XKR6: variants seen among roughly 807,000 people sequenced by gnomAD.
The protein encoded by XKR6 is XK related 6, also known as XK-related protein 6.
A neutral mutation model predicts 56.7 loss-of-function variants in XKR6; 22 were observed. That is an observed-to-expected ratio of 0.39 (90% CI 0.28 to 0.55). XKR6 has a LOEUF of 0.55. Ranked by LOEUF, XKR6 falls within the 20% of genes least tolerant of loss-of-function variation. The pLI is 0.66. For synonymous variants in XKR6, 524 were observed against 387.8 expected, an observed-to-expected ratio of 1.35 and a Z score of -4.13; for missense variants, 852 against 889.0, an observed-to-expected ratio of 0.96 and a Z score of 0.53.
chr8:10,945,025 G>A (rs1586336778), intron 1 of XKR6, among the ~76,000 whole-genome samples: 1 of 152,158 alleles, frequency 6.6e-6, no homozygotes. Context: ...TCTGGATGTA[G>A]GGTCAAGCTC....
chr8:11,175,520 A>G (rs1178775628), intron 1 of XKR6: 10 of 152,580 alleles, frequency 6.6e-5, no homozygotes, highest in Admixed American at 6.5e-4. Flanking sequence ...TGCACCGAAG[A>G]AAAAGATACC....
chr8:11,057,896 T>A (rs1338028740), intron 1 of XKR6, among the ~76,000 whole-genome samples: 1 of 152,230 alleles, frequency 6.6e-6, no homozygotes, highest in Non-Finnish European at 1.5e-5. Flanking sequence ...ACCTGCCGCA[T>A]CTGACAGACA....
intron 1 of XKR6, among the ~76,000 whole-genome samples, chr8:11,192,123 G>A (rs185236002): frequency 2.6e-5 from 4 of 152,076 alleles, no homozygotes; most frequent in Non-Finnish European, 4.4e-5. Flanking sequence ...TTCAAAACCA[G>A]CCTGGGCAAT....
intron 1 of XKR6, among the ~76,000 whole-genome samples, chr8:11,050,142 G>A (rs1426842246): frequency 6.6e-6 from 1 of 152,222 alleles, no homozygotes; most frequent in Non-Finnish European, 1.5e-5. Flanking sequence ...CCCAGGGCCG[G>A]TGCTGTTGTG....
intron 1 of XKR6, among the ~76,000 whole-genome samples, chr8:10,966,380 G>A (rs144614231): frequency 9.2e-5 from 14 of 152,048 alleles, no homozygotes; most frequent in East Asian, 7.8e-4. Context: ...TATTAAAAAC[G>A]CAAGTTAGGC....
intron 2 of XKR6, among the ~76,000 whole-genome samples, chr8:10,908,052 C>T (rs1003546521): frequency 5.3e-5 from 8 of 152,184 alleles, no homozygotes; most frequent in Non-Finnish European, 1.0e-4. Context: ...ATTTTCAACG[C>T]CTTTTGCGTG....
Position 10,949,910 on chromosome 8 carries a change from T to A in XKR6, c.765-25080A>T, listed in dbSNP as rs181910286. The stretch of plus-strand genomic sequence containing the variant: ...GGAGTCCCTTTCCCAGCCCGGCCTG[T>A]CTTGACTCAGGGGTCTGCAGGCTGT... On this transcript the variant is annotated intron_variant, in intron 1 of 2. Coordinates refer to ENST00000416569, the MANE Select transcript of XKR6 (RefSeq NM_173683.4). Among the ~76,000 whole-genome samples, 704 of 152,224 alleles carry A rather than the reference T, an allele frequency of 4.6e-3. 3 individuals carry two copies. The highest frequency in any genetic ancestry group is 0.014 in the Middle Eastern group (4 of 294).
intron 1 of XKR6, among the ~76,000 whole-genome samples, chr8:11,071,887 T>C (rs1296909117): frequency 6.6e-6 from 1 of 152,218 alleles, no homozygotes; most frequent in Non-Finnish European, 1.5e-5. Flanking sequence ...CCTTTCCTAA[T>C]ACTGTGTCCT....
At chr8:10,996,532 T>G (rs1798117056) in intron 1 of XKR6, among the ~76,000 whole-genome samples, 1 of 152,180 alleles carries the variant, frequency 6.6e-6, no homozygotes, top group Non-Finnish European at 1.5e-5. Flanking sequence ...TTCTCTGCAA[T>G]TTTCCTCTTT....
intron 1 of XKR6, among the ~76,000 whole-genome samples, chr8:11,127,824 G>T (rs572130650): frequency 1.4e-4 from 22 of 152,114 alleles, no homozygotes; most frequent in Non-Finnish European, 2.9e-4. Context: ...CCATTAATGT[G>T]TCTACCCCAG....
chr8:11,200,556 C>A lies in XKR6; in HGVS notation c.764+20G>T. The A allele has an allele frequency of 6.9e-7, 1 of 1,444,118 alleles. No individual in the cohort carries two copies. Among genetic ancestry groups the A allele is most frequent in the Non-Finnish European group, 9.0e-7 (1 of 1,107,910 alleles). 89.5% of individuals were successfully genotyped at this position (1,444,118 alleles called of 1,614,324 possible). A position where few individuals can be genotyped will look rare whatever the true frequency, so the allele number is the denominator to read the frequency against. Reference sequence around the variant, plus strand: ...GGGGCTCCTCAGGGCCGGCCCGCCCCCACCCCGCAGTGCTCTTACCTCCAC... The same window carrying A: ...GGGGCTCCTCAGGGCCGGCCCGCCCACACCCCGCAGTGCTCTTACCTCCAC... On this transcript the variant is annotated intron_variant, in intron 1 of 2. Transcript: ENST00000416569. The surrounding 1 kb of genome is among the most constrained non-coding windows in gnomAD (Gnocchi z 6.4).
At chr8:11,168,110 C>T (rs1005102524) in intron 1 of XKR6, among the ~76,000 whole-genome samples, 1 of 152,106 alleles carries the variant, frequency 6.6e-6, no homozygotes, top group East Asian at 1.9e-4. Context: ...AGACACAACA[C>T]TGTAATTTTC....
intron 2 of XKR6, among the ~76,000 whole-genome samples, chr8:10,909,122 C>T (rs184570388): frequency 6.6e-5 from 10 of 151,504 alleles, no homozygotes; most frequent in Admixed American, 5.3e-4. Context: ...GCTGAGATTG[C>T]GCCACTGCAC....
chr8:11,185,510 C>T (rs897855232), intron 1 of XKR6, among the ~76,000 whole-genome samples: 5 of 152,062 alleles, frequency 3.3e-5, no homozygotes, highest in South Asian at 2.1e-4. Flanking sequence ...TCTAAATGTA[C>T]GTACAATTTT....
intron 1 of XKR6, among the ~76,000 whole-genome samples, chr8:11,040,487 G>C (rs766166791): frequency 2.6e-5 from 4 of 152,006 alleles, no homozygotes; most frequent in Admixed American, 2.6e-4. Context: ...AGCCATGATT[G>C]CACCACAGTA....
At chr8:11,036,722 A>G (rs1224908132) in intron 1 of XKR6, among the ~76,000 whole-genome samples, 1 of 152,248 alleles carries the variant, frequency 6.6e-6, no homozygotes, top group African/African-American at 2.4e-5. Context: ...TGTTGACGTA[A>G]CTGTGTTTTT....
At chr8:10,957,367 C>A (rs372677197) in intron 1 of XKR6, among the ~76,000 whole-genome samples, 2 of 152,170 alleles carry the variant, frequency 1.3e-5, no homozygotes. Flanking sequence ...ACAGTCTACT[C>A]CAGGCGTGTC....
intron 1 of XKR6, among the ~76,000 whole-genome samples, chr8:11,050,586 AAG>A (rs1491323062): frequency 7.7e-6 from 1 of 130,092 alleles, no homozygotes; most frequent in South Asian, 2.5e-4. Context: ...AAAAAAAAAA[AAG>A]AGAGAGAGAA....
At chr8:11,026,795 T>C (rs1798877313) in intron 1 of XKR6, among the ~76,000 whole-genome samples, 4 of 151,510 alleles carry the variant, frequency 2.6e-5, no homozygotes, top group Admixed American at 2.6e-4. Context: ...ACCTAGATGG[T>C]CTAGGCTACT....
Sources: allele counts gnomAD v4.1 joint callset (sites outside exome capture counted in the v4.1 genomes callset), GRCh38; gene constraint gnomAD v4.1.1; non-coding constraint Gnocchi (gnomAD v3.1); transcripts MANE v1.5; gene names NCBI Gene and HGNC (gene_info 2026-07-23, HGNC 2026-07-21).